SH3RF3: variants seen among roughly 807,000 people sequenced by gnomAD.
The protein encoded by SH3RF3 is SH3 domain containing ring finger 3.
In SH3RF3, 29 loss-of-function variants were observed where a neutral mutation model predicts 66.3. The observed-to-expected ratio is 0.44, with a 90% CI of 0.33 to 0.60. SH3RF3 has a LOEUF of 0.60. Ranked by LOEUF, SH3RF3 falls within the 20% of genes least tolerant of loss-of-function variation. SH3RF3 has a pLI of 0.04. For missense variants in SH3RF3, 1,194 were observed against 1,190.9 expected (o/e 1.00, Z -0.04); for synonymous variants, 583 against 532.0 (o/e 1.10, Z -1.32).
chr2:109,428,325 G>A (rs1427846389), intron 5 of SH3RF3, among the ~76,000 whole-genome samples: 1 of 152,282 alleles, frequency 6.6e-6, no homozygotes, highest in African/African-American at 2.4e-5. Flanking sequence ...AGAGAAATCT[G>A]CAGACAATTA....
rs544151195 is a variant in SH3RF3 at position 109,443,393 on chromosome 2, C to T, written c.1829-5777C>T. The stretch of plus-strand genomic sequence containing the variant: ...CTCTGTGTGACGCTGAAACAAAAAT[C>T]GCCTTGTTCAACCTCAGCTGGGAAT... On this transcript the variant is annotated intron_variant, in intron 7 of 9. Coordinates refer to ENST00000309415, the MANE Select transcript of SH3RF3 (RefSeq NM_001099289.3). Among the ~76,000 whole-genome samples, 5 of 152,296 alleles carry T rather than the reference C, an allele frequency of 3.3e-5. No individual in the cohort carries two copies. The South Asian group carries it at 6.2e-4, about 19-fold the overall frequency.
chr2:109,312,135 A>C (rs12474431), intron 1 of SH3RF3, among the ~76,000 whole-genome samples: 17,526 of 152,266 alleles, frequency 0.12, 1,238 homozygotes, highest in East Asian at 0.26. Context: ...CCTATTCAGA[A>C]CTGGTTATTT....
chr2:109,177,219 C>T (rs1424619674), intron 1 of SH3RF3, among the ~76,000 whole-genome samples: 4 of 152,096 alleles, frequency 2.6e-5, no homozygotes, highest in Non-Finnish European at 5.9e-5. Flanking sequence ...AAACCAGGGA[C>T]GATGATAGCT....
At chr2:109,144,227 G>GGTGA (rs1347476325) in intron 1 of SH3RF3, among the ~76,000 whole-genome samples, 3 of 152,174 alleles carry the variant, frequency 2.0e-5, no homozygotes, top group Non-Finnish European at 4.4e-5. Flanking sequence ...AACCACGTGA[G>GGTGA]GTGATAGATA....
At chr2:109,146,094 C>T (rs967093149) in intron 1 of SH3RF3, among the ~76,000 whole-genome samples, 1 of 152,008 alleles carries the variant, frequency 6.6e-6, no homozygotes, top group African/African-American at 2.4e-5. Context: ...ACCAGCTGAA[C>T]AGTTAGATTT....
intron 1 of SH3RF3, among the ~76,000 whole-genome samples, chr2:109,305,460 C>T (rs1422541210): frequency 1.3e-5 from 2 of 152,308 alleles, no homozygotes; most frequent in African/African-American, 4.8e-5. Context: ...GTTCTGGCCC[C>T]TGGAGGCTCA....
At chr2:109,440,949 G>A (rs185748253) in intron 7 of SH3RF3, among the ~76,000 whole-genome samples, 10 of 152,190 alleles carry the variant, frequency 6.6e-5, no homozygotes, top group African/African-American at 1.4e-4. Flanking sequence ...CCAGCCAGAC[G>A]GAAAAATTGC....
rs114218509 is a variant in SH3RF3, at chr2:109,411,739, C to T, written c.1300-7800C>T. Among the ~76,000 whole-genome samples, 729 of 152,312 alleles carry T rather than the reference C, an allele frequency of 4.8e-3. 4 individuals carry two copies. Among genetic ancestry groups the T allele is most frequent in the African/African-American group, 0.017 (698 of 41,566 alleles). ...GCTAGGAAGGCCGGCCACACGGGAG[C>T]CACGCTCAGCCATGTCAGTTTTAGG... On this transcript the variant is annotated intron_variant, in intron 4 of 9. Transcript: ENST00000309415.
At chr2:109,412,251 T>C (rs529289103) in intron 4 of SH3RF3, among the ~76,000 whole-genome samples, 4 of 152,366 alleles carry the variant, frequency 2.6e-5, no homozygotes, top group African/African-American at 9.6e-5. Flanking sequence ...TGGTCTCTCC[T>C]GGCCAAACAC....
intron 1 of SH3RF3, among the ~76,000 whole-genome samples, chr2:109,279,111 C>T (rs72822687): frequency 0.037 from 5,604 of 152,260 alleles, 134 homozygotes; most frequent in Middle Eastern, 0.085. Context: ...GGCAAATCCA[C>T]GTATCACCTG....
chr2:109,378,387 A>G (rs1683439103), intron 3 of SH3RF3, among the ~76,000 whole-genome samples: 1 of 152,180 alleles, frequency 6.6e-6, no homozygotes, highest in Admixed American at 6.5e-5. Context: ...CTCAACTCCC[A>G]GTTGACTTTA....
At chr2:109,202,410 A>G (rs1678697822) in intron 1 of SH3RF3, among the ~76,000 whole-genome samples, 1 of 152,164 alleles carries the variant, frequency 6.6e-6, no homozygotes, top group Non-Finnish European at 1.5e-5. Flanking sequence ...CCCGAACTTA[A>G]TTGTACTTTT....
intron 1 of SH3RF3, among the ~76,000 whole-genome samples, chr2:109,264,529 A>G (rs974770906): frequency 8.5e-5 from 13 of 152,282 alleles, no homozygotes; most frequent in African/African-American, 2.9e-4. Context: ...GGCAAAGTGA[A>G]TCAAGTCTCA....
intron 1 of SH3RF3, among the ~76,000 whole-genome samples, chr2:109,137,811 G>C (rs970251509): frequency 1.3e-5 from 2 of 152,198 alleles, no homozygotes; most frequent in Non-Finnish European, 2.9e-5. Context: ...AGCTTTGCCT[G>C]CCACTGTTGC....
intron 1 of SH3RF3, among the ~76,000 whole-genome samples, chr2:109,273,878 G>A (rs1046304945): frequency 4.6e-5 from 7 of 152,092 alleles, no homozygotes; most frequent in African/African-American, 1.7e-4. Flanking sequence ...AAACAAGTAG[G>A]CTGCTAGATG....
chr2:109,184,141 T>G (rs1678132310), intron 1 of SH3RF3, among the ~76,000 whole-genome samples: 1 of 152,198 alleles, frequency 6.6e-6, no homozygotes, highest in African/African-American at 2.4e-5. Flanking sequence ...TTCAAGGCAC[T>G]GCCCCAGTTG....
In SH3RF3 at chr2:109,404,600, C is replaced by T. The variant is rs145895089; in HGVS notation, c.1299+5657C>T. Among the ~76,000 whole-genome samples the T allele has an allele frequency of 1.7e-4, 26 of 152,256 alleles. No individual in the cohort carries two copies. The East Asian group carries it at 2.9e-3, about 17-fold the overall frequency. ...ACTGGGCACCTCCCAGAGGCTGCCA[C>T]GGGCACACAGGGCCTGGGCAGGTGG... is the stretch of plus-strand genomic sequence containing the variant. On this transcript the variant is annotated intron_variant, in intron 4 of 9. Coordinates refer to ENST00000309415, the MANE Select transcript of SH3RF3 (RefSeq NM_001099289.3).
intron 4 of SH3RF3, among the ~76,000 whole-genome samples, chr2:109,411,586 G>A (rs1463925799): frequency 6.6e-6 from 1 of 152,166 alleles, no homozygotes; most frequent in Non-Finnish European, 1.5e-5. Context: ...GCCACGACCA[G>A]TGTGCCACTC....
chr2:109,371,263 G>T (rs995668339), intron 2 of SH3RF3, among the ~76,000 whole-genome samples: 1 of 152,220 alleles, frequency 6.6e-6, no homozygotes, highest in Non-Finnish European at 1.5e-5. Context: ...GGTGGCACAC[G>T]CCTGTAATCC....
Sources: gnomAD v4.1 joint callset for allele counts (sites outside exome capture counted in the v4.1 genomes callset) on GRCh38, gnomAD v4.1.1 for gene constraint, MANE v1.5 for transcripts, NCBI Gene and HGNC (gene_info 2026-07-23, HGNC 2026-07-21) for gene names.